DRC11: variants seen among roughly 807,000 people sequenced by gnomAD.
DRC11 encodes IQ and AAA domain-containing protein 1.
the DRC11 span, among the ~76,000 whole-genome samples, chr2:236,345,477 T>C: frequency 6.6e-6 from 1 of 152,168 alleles, no homozygotes; most frequent in South Asian, 2.1e-4. Context: ...GAGTTTTAAT[T>C]ACCGCCTCTG....
chr2:236,459,523 ATACATGTATACG>A, the DRC11 span, among the ~76,000 whole-genome samples: 147 of 99,574 alleles, frequency 1.5e-3, no homozygotes, highest in Non-Finnish European at 2.5e-3. Context: ...GTATACATGT[ATACATGTATACG>A]TATACGTATA....
At chr2:236,328,429 T>A in the DRC11 span, among the ~76,000 whole-genome samples, 1 of 152,168 alleles carries the variant, frequency 6.6e-6, no homozygotes, top group Admixed American at 6.5e-5. This position sits in a 1 kb window ranked among gnomAD's most constrained non-coding sequence, Gnocchi z 6.7. Context: ...ATGGGCCACT[T>A]TTATTCCCCA....
At chr2:236,332,488 A>T in the DRC11 span, 4 of 152,200 alleles carry the variant, frequency 2.6e-5, no homozygotes, top group African/African-American at 9.7e-5. This position sits in a 1 kb window ranked among gnomAD's most constrained non-coding sequence, Gnocchi z 5.1. Flanking sequence ...AGCATCTGTC[A>T]GTCTCAGCAC....
chr2:236,329,102 C>T, the DRC11 span, among the ~76,000 whole-genome samples: 8 of 152,358 alleles, frequency 5.3e-5, no homozygotes, highest in Non-Finnish European at 7.3e-5. Context: ...GGAGTACCAA[C>T]GTGCCCTTCT....
the DRC11 span, among the ~76,000 whole-genome samples, chr2:236,315,712 A>T: frequency 6.6e-6 from 1 of 152,216 alleles, no homozygotes; most frequent in Non-Finnish European, 1.5e-5. This position sits in a 1 kb window ranked among gnomAD's most constrained non-coding sequence, Gnocchi z 5.1. Context: ...AGGGACATGG[A>T]TGAAGCTGGA....
At chr2:236,336,471 GCCACCACGGCCA>G in the DRC11 span, among the ~76,000 whole-genome samples, 1 of 150,332 alleles carries the variant, frequency 6.7e-6, no homozygotes, top group African/African-American at 2.5e-5. This position sits in a 1 kb window ranked among gnomAD's most constrained non-coding sequence, Gnocchi z 7.3. Context: ...CACCACCACT[GCCACCACGGCCA>G]CCACCACTGG....
At chr2:236,442,531 T>G in the DRC11 span, among the ~76,000 whole-genome samples, 1 of 152,184 alleles carries the variant, frequency 6.6e-6, no homozygotes, top group Non-Finnish European at 1.5e-5. Context: ...TGAACCCATA[T>G]CAATGAACTT....
At chr2:236,494,350 A>G in the DRC11 span, among the ~76,000 whole-genome samples, 1 of 152,208 alleles carries the variant, frequency 6.6e-6, no homozygotes, top group Non-Finnish European at 1.5e-5. The surrounding 1 kb of genome is among the most constrained non-coding windows in gnomAD (Gnocchi z 4.2). Flanking sequence ...ATTTTTACCA[A>G]AATTACCCCA....
At chr2:236,469,089 CAA>C in the DRC11 span, among the ~76,000 whole-genome samples, 1 of 152,238 alleles carries the variant, frequency 6.6e-6, no homozygotes, top group South Asian at 2.1e-4. This position sits in a 1 kb window ranked among gnomAD's most constrained non-coding sequence, Gnocchi z 5.8. Context: ...ATGAGTGCAA[CAA>C]AACACTCAGC....
chr2:236,440,464 T>C, the DRC11 span, among the ~76,000 whole-genome samples: 1 of 152,224 alleles, frequency 6.6e-6, no homozygotes, highest in Non-Finnish European at 1.5e-5. Context: ...TAAGAAGAGT[T>C]TTCCTATTCC....
the DRC11 span, among the ~76,000 whole-genome samples, chr2:236,409,843 C>T: frequency 3.3e-5 from 5 of 152,068 alleles, no homozygotes; most frequent in Non-Finnish European, 7.3e-5. Context: ...TGTCAAAGGC[C>T]TTTTCTGCAT....
chr2:236,329,254 T>C, the DRC11 span, among the ~76,000 whole-genome samples: 1 of 152,224 alleles, frequency 6.6e-6, no homozygotes, highest in Non-Finnish European at 1.5e-5. Flanking sequence ...TTAATCCCCC[T>C]GTGCCGTGTA....
chr2:236,388,832 G>A, the DRC11 span, among the ~76,000 whole-genome samples: 1 of 151,398 alleles, frequency 6.6e-6, no homozygotes, highest in Non-Finnish European at 1.5e-5. Flanking sequence ...ATGTACAGAT[G>A]GGTTTTTGGT....
At chr2:236,479,851 T>C in the DRC11 span, among the ~76,000 whole-genome samples, 1 of 152,170 alleles carries the variant, frequency 6.6e-6, no homozygotes, top group African/African-American at 2.4e-5. This position sits in a 1 kb window ranked among gnomAD's most constrained non-coding sequence, Gnocchi z 4.1. Context: ...ATGTTTTCTT[T>C]CTGCATGTTA....
the DRC11 span, among the ~76,000 whole-genome samples, chr2:236,502,420 T>C: frequency 1.3e-5 from 2 of 151,232 alleles, no homozygotes; most frequent in African/African-American, 2.4e-5. Context: ...CTACTAAAAA[T>C]ACAAAAATTA....
chr2:236,477,627 A>T, the DRC11 span, among the ~76,000 whole-genome samples: 1 of 152,050 alleles, frequency 6.6e-6, no homozygotes, highest in African/African-American at 2.4e-5. Flanking sequence ...TAGTTCTTTA[A>T]ATGTTTGATG....
the DRC11 span, among the ~76,000 whole-genome samples, chr2:236,447,261 C>T: frequency 6.6e-6 from 1 of 151,654 alleles, no homozygotes. This position sits in a 1 kb window ranked among gnomAD's most constrained non-coding sequence, Gnocchi z 4.6. Context: ...GAAACAGAAT[C>T]ACTGCAGAAG....
chr2:236,321,101 C>T, the DRC11 span, among the ~76,000 whole-genome samples: 16 of 152,208 alleles, frequency 1.1e-4, no homozygotes, highest in African/African-American at 2.4e-5. Flanking sequence ...ATGAAAGACT[C>T]ACAGGTGATT....
the DRC11 span, chr2:236,390,944 C>G: frequency 6.6e-6 from 1 of 152,286 alleles, no homozygotes; most frequent in Non-Finnish European, 1.5e-5. The surrounding 1 kb of genome is among the most constrained non-coding windows in gnomAD (Gnocchi z 5.9). Context: ...TCTAGGAGAT[C>G]TCTCTTGGCA....
Sources: allele counts gnomAD v4.1 joint callset (sites outside exome capture counted in the v4.1 genomes callset), GRCh38; gene constraint gnomAD v4.1.1; non-coding constraint Gnocchi (gnomAD v3.1); transcripts MANE v1.5; gene names NCBI Gene and HGNC (gene_info 2026-07-23, HGNC 2026-07-21).